ZNF503: variants seen among roughly 807,000 people sequenced by gnomAD.
The protein encoded by ZNF503 is zinc finger protein 503, also known as NocA-like zinc finger 2.
In ZNF503, 15 loss-of-function variants were observed where a neutral mutation model predicts 34.4. The ratio of observed to expected loss-of-function variants is 0.44; its 90% CI spans 0.29 to 0.67. ZNF503 has a LOEUF of 0.67. Ranked by LOEUF, ZNF503 falls within the 30% of genes least tolerant of loss-of-function variation. The pLI is 0.13. For missense variants in ZNF503, 1,007 were observed against 926.8 expected (o/e 1.09, Z -1.12); for synonymous variants, 580 against 456.8 (o/e 1.27, Z -3.44).
chr10:75,356,503 C>T, the ZNF503 span, among the ~76,000 whole-genome samples: 1 of 152,242 alleles, frequency 6.6e-6, no homozygotes, highest in Non-Finnish European at 1.5e-5. Flanking sequence ...GCGTGAGCCA[C>T]CGCCCCCAGC....
At chr10:75,367,407 T>A in the ZNF503 span, among the ~76,000 whole-genome samples, 1 of 152,204 alleles carries the variant, frequency 6.6e-6, no homozygotes, top group Non-Finnish European at 1.5e-5. Context: ...ACAATGGCGC[T>A]CCGGAGACTG....
Position 75,401,114 on chromosome 10 carries a change from G to A in ZNF503, c.306C>T (p.Ser102=), listed in dbSNP as rs1273833589. Residue 102 remains serine (S), a synonymous_variant, in exon 1 of 2, where the codon AGC becomes AGT. Transcript: ENST00000372524. ...YLQPLPSTPV[S]PIELDAKKSP... is the part of the protein sequence containing the mutation. ...GAGAGAGGGTCCTTACCTCGATGGGGCTGACCGGCGTGGAAGGCAGGGGCT... is the reference window on the plus strand; with the variant it reads ...GAGAGAGGGTCCTTACCTCGATGGGACTGACCGGCGTGGAAGGCAGGGGCT... 1 of 1,613,340 alleles carries A rather than the reference G, an allele frequency of 6.2e-7. No homozygotes were observed. The highest frequency in any genetic ancestry group is 1.3e-5 in the African/African-American group (1 of 74,882).
rs202007168 is a variant in ZNF503, at chr10:75,398,952, C to G, written c.1738G>C (p.Ala580Pro). 1.9e-6 allele frequency: 3 copies of G among 1,600,092 alleles called. No individual in the cohort carries two copies. In the Admixed American group the frequency reaches 5.1e-5, roughly 27 times the overall value. The change falls in exon 2 of 2, where the codon GCA (alanine) becomes CCA (proline). Residue 580 changes from alanine (A) to proline (P), a missense_variant. Transcript: ENST00000372524. Reference sequence around the variant, plus strand: ...GCCAGCGTCCCAGGGCTGCCCGGTGCGCCCGAGGTGGGGATGTGCATGTGG... The same window carrying G: ...GCCAGCGTCCCAGGGCTGCCCGGTGGGCCCGAGGTGGGGATGTGCATGTGG... ...ACHMHIPTSG[A>P]PGSPGTLALR...
In ZNF503 at chr10:75,399,666, G is replaced by A; in HGVS notation, c.1024C>T (p.Pro342Ser). 1 of 1,599,854 alleles carries A rather than the reference G, an allele frequency of 6.3e-7. No individual in the cohort carries two copies. The highest frequency in any genetic ancestry group is 8.5e-7 in the Non-Finnish European group (1 of 1,179,574). Residue 342 changes from proline (P) to serine (S), a missense_variant, in exon 2 of 2, where the codon CCC (proline) becomes TCC (serine). By Grantham distance (74) the Pro-to-Ser change is moderately conservative. Coordinates refer to ENST00000372524, the MANE Select transcript of ZNF503 (RefSeq NM_032772.6). ...LGSGLVAPVS[P>S]YKPGQTVFPL... ...AACACTGTCTGGCCCGGCTTGTAGGGTGACACGGGAGCCACCAGCCCAGAG... is the reference window on the plus strand; with the variant it reads ...AACACTGTCTGGCCCGGCTTGTAGGATGACACGGGAGCCACCAGCCCAGAG...
At chr10:75,317,725 G>A in the ZNF503 span, among the ~76,000 whole-genome samples, 3 of 152,136 alleles carry the variant, frequency 2.0e-5, no homozygotes, top group African/African-American at 7.2e-5. Flanking sequence ...GCCAGGTGTG[G>A]TGGCTCATAC....
rs1456842991 is a variant in ZNF503, at chr10:75,397,947, A to G, written c.*802T>C. ...GTCCCCTTCTCAGCGGGTGGACTTA[A>G]AAATTAAAAATAGTTAAGTGTTCCT... On this transcript the variant is annotated 3_prime_UTR_variant, in exon 2 of 2. Coordinates refer to ENST00000372524, the MANE Select transcript of ZNF503 (RefSeq NM_032772.6). The G allele has an allele frequency of 6.6e-6, 1 of 152,666 alleles. No individual in the cohort carries two copies. The highest frequency in any genetic ancestry group is 1.5e-5 in the Non-Finnish European group (1 of 68,042). The allele number at this position is 152,666 out of a possible 1,614,324, so 9.5% of individuals were successfully genotyped here.
chr10:75,360,848 A>G, the ZNF503 span: 1 of 143,290 alleles, frequency 7.0e-6, no homozygotes. Flanking sequence ...ACTGTTATTA[A>G]GATCTTAGTT....
chr10:75,316,895 G>A, the ZNF503 span, among the ~76,000 whole-genome samples: 1 of 152,096 alleles, frequency 6.6e-6, no homozygotes, highest in Non-Finnish European at 1.5e-5. Context: ...CAAAACTTAT[G>A]AGATGAAGCA....
At chr10:75,347,270 C>T in the ZNF503 span, among the ~76,000 whole-genome samples, 1 of 152,190 alleles carries the variant, frequency 6.6e-6, no homozygotes, top group Non-Finnish European at 1.5e-5. Flanking sequence ...GCTAGTGAAG[C>T]AGATCAGATC....
chr10:75,356,953 T>A, the ZNF503 span, among the ~76,000 whole-genome samples: 185 of 152,340 alleles, frequency 1.2e-3, 1 homozygote, highest in Middle Eastern at 6.8e-3. Flanking sequence ...GTTGTTTTTT[T>A]ATTTATATAT....
the ZNF503 span, among the ~76,000 whole-genome samples, chr10:75,293,863 T>C: frequency 6.6e-6 from 1 of 152,208 alleles, no homozygotes; most frequent in Non-Finnish European, 1.5e-5. Context: ...TGTCATGCTG[T>C]GGTCCAGGAA....
rs755269789 is a variant in ZNF503 at position 75,401,242 on chromosome 10, C to G, written c.178G>C (p.Val60Leu). ...TGGCGCAGGGGGTCAGAGGGGGGCA[C>G]GGCGTGCACAAAAGGCTTGGTGCTG... ...AGSTKPFVHAVPPSDPLRQAN... is the reference protein window; with the variant it reads ...AGSTKPFVHALPPSDPLRQAN... Residue 60 changes from valine (V) to leucine (L), a missense_variant, in exon 1 of 2, where the codon GTG (valine) becomes CTG (leucine). Transcript: ENST00000372524. 1 of 1,607,072 alleles carries G rather than the reference C, an allele frequency of 6.2e-7. No individual in the cohort carries two copies. Among genetic ancestry groups the G allele is most frequent in the Non-Finnish European group, 8.5e-7 (1 of 1,176,982 alleles).
chr10:75,290,129 G>T, the ZNF503 span, among the ~76,000 whole-genome samples: 1 of 152,110 alleles, frequency 6.6e-6, no homozygotes, highest in Non-Finnish European at 1.5e-5. Context: ...ATTTCATTTA[G>T]CATAGTATTT....
the ZNF503 span, among the ~76,000 whole-genome samples, chr10:75,367,929 C>A: frequency 6.6e-6 from 1 of 152,188 alleles, no homozygotes; most frequent in Admixed American, 6.5e-5. Flanking sequence ...TCCTGCTTGG[C>A]CCTGCCTTTT....
At chr10:75,397,702 G>A (rs1445708593), downstream of ZNF503, 3 of 152,268 alleles carry the variant, frequency 2.0e-5, no homozygotes, top group Admixed American at 6.5e-5. Context: ...TTGCCTCCCA[G>A]AAAATCACAA....
the ZNF503 span, among the ~76,000 whole-genome samples, chr10:75,373,225 G>T: frequency 6.6e-6 from 1 of 152,338 alleles, no homozygotes; most frequent in South Asian, 2.1e-4. Context: ...GGCTCTATCT[G>T]TGTGGCCTGT....
chr10:75,398,618 A>G lies in ZNF503; in HGVS notation c.*131T>C. 2.4e-6 allele frequency: 2 copies of G among 821,732 alleles called. No homozygotes were observed. The highest frequency in any genetic ancestry group is 3.3e-6 in the Non-Finnish European group (2 of 605,760). 50.9% of individuals were successfully genotyped at this position (821,732 alleles called of 1,614,324 possible). The stretch of plus-strand genomic sequence containing the variant: ...TGTCGGGTAGATAGATACGGTATAC[A>G]TTTCTTTCCTTTCGTGGCCCGAGTC... On this transcript the variant is annotated 3_prime_UTR_variant, in exon 2 of 2. Transcript: ENST00000372524.
chr10:75,389,428 G>A, the ZNF503 span, among the ~76,000 whole-genome samples: 1 of 152,122 alleles, frequency 6.6e-6, no homozygotes, highest in African/African-American at 2.4e-5. Context: ...CTAGAGGTAG[G>A]GTTAAAAGTC....
At chr10:75,305,476 TATC>T in the ZNF503 span, among the ~76,000 whole-genome samples, 1 of 152,144 alleles carries the variant, frequency 6.6e-6, no homozygotes, top group Admixed American at 6.5e-5. Context: ...ATTAACTATT[TATC>T]TTTTGTTAAT....
Sources: allele counts gnomAD v4.1 joint callset (sites outside exome capture counted in the v4.1 genomes callset), GRCh38; gene constraint gnomAD v4.1.1; transcripts MANE v1.5; gene names NCBI Gene and HGNC (gene_info 2026-07-23, HGNC 2026-07-21).